Variants in EIF4E observed in about 807,000 individuals in gnomAD.
The protein encoded by EIF4E is eIF-4F 25 kDa subunit.
For synonymous variants in EIF4E, 71 were observed against 88.5 expected (o/e 0.80, Z 1.11); for missense variants, 113 against 265.6 (o/e 0.43, Z 3.99).
chr4:98,896,195 CAATAAAATAA>C (rs374560295), intron 2 of EIF4E, among the ~76,000 whole-genome samples: 12 of 135,052 alleles, frequency 8.9e-5, no homozygotes, highest in South Asian at 8.4e-4. Flanking sequence ...GCTCCATCTC[CAATAAAATAA>C]AATAAAATAA....
chr4:98,882,188 C>T (rs926596102), intron 6 of EIF4E, among the ~76,000 whole-genome samples: 1 of 151,740 alleles, frequency 6.6e-6, no homozygotes, highest in East Asian at 1.9e-4. Flanking sequence ...GTCAGGAGAT[C>T]GAGACCATCC....
chr4:98,885,516 C>T (rs1723881819), intron 5 of EIF4E, among the ~76,000 whole-genome samples: 1 of 152,076 alleles, frequency 6.6e-6, no homozygotes, highest in Non-Finnish European at 1.5e-5. Context: ...GGGATCATCA[C>T]AGCTCACTGC....
At chr4:98,928,673 T>G (rs1721335727) in intron 1 of EIF4E, among the ~76,000 whole-genome samples, 1 of 149,820 alleles carries the variant, frequency 6.7e-6, no homozygotes, top group African/African-American at 2.5e-5. Context: ...GCTCCAGGGC[T>G]CCCTCCTCCA....
chr4:98,880,793 T>G lies in EIF4E; in HGVS notation c.*235A>C. Reference sequence around the variant, plus strand: ...GGAACACATTTATGGATTCTGGGGATGTGTACTGTAATTCTTTGATTGGGA... The same window carrying G: ...GGAACACATTTATGGATTCTGGGGAGGTGTACTGTAATTCTTTGATTGGGA... On this transcript the variant is annotated 3_prime_UTR_variant, in exon 7 of 7. Transcript: ENST00000450253. 1 of 563,330 alleles carries G rather than the reference T, an allele frequency of 1.8e-6. No homozygotes were observed. The highest frequency in any genetic ancestry group is 2.8e-6 in the Non-Finnish European group (1 of 352,990). The allele number at this position is 563,330 out of a possible 1,614,324, so 34.9% of individuals were successfully genotyped here.
chr4:98,916,997 T>A (rs1289023162), intron 1 of EIF4E, among the ~76,000 whole-genome samples: 5 of 151,814 alleles, frequency 3.3e-5, no homozygotes, highest in Admixed American at 1.3e-4. Context: ...ATTGGAGCAA[T>A]GTGATTCAGG....
chr4:98,907,968 T>C (rs1373963297), intron 1 of EIF4E, among the ~76,000 whole-genome samples: 1 of 152,168 alleles, frequency 6.6e-6, no homozygotes, highest in Non-Finnish European at 1.5e-5. Flanking sequence ...GAACTAGACT[T>C]CAAACTCTGG....
Position 98,929,095 on chromosome 4 carries a change from C to G in EIF4E, c.18G>C (p.Pro6=), listed in dbSNP as rs531350186. The G allele has an allele frequency of 1.9e-6, 3 of 1,581,452 alleles. No homozygotes were observed. Among genetic ancestry groups the G allele is most frequent in the East Asian group, 2.3e-5 (1 of 43,042 alleles). ...GGTGGGGGCCAAAGGCAATACTCAC[C>G]GGTTCGACAGTCGCCATCTTAGATC... is the stretch of plus-strand genomic sequence containing the variant. MATVE[P]ETTPTPNPPT... is the part of the protein sequence containing the mutation. The change falls in exon 1 of 7, where the codon CCG becomes CCC. Residue 6 remains proline (P), a splice_region_variant and synonymous_variant. Transcript: ENST00000450253.
In EIF4E at chr4:98,887,432, G is replaced by T. The variant is rs1723969151; in HGVS notation, c.286-240C>A. 6.6e-6 allele frequency among the ~76,000 whole-genome samples: 1 copy of T among 152,146 alleles called. No homozygotes were observed. Among genetic ancestry groups the T allele is most frequent in the South Asian group, 2.1e-4 (1 of 4,822 alleles). ...AATCTTGGGTTTCACTTAATTTGAA[G>T]GTTCTTAAACTTTCTGAGAAGCAAA... On this transcript the variant is annotated intron_variant, in intron 4 of 6. Coordinates refer to ENST00000450253, the MANE Select transcript of EIF4E (RefSeq NM_001968.5). The surrounding 1 kb of genome is among the most constrained non-coding windows in gnomAD (Gnocchi z 4.0).
At chr4:98,895,507 G>A (rs536746970) in intron 2 of EIF4E, 1 of 152,152 alleles carries the variant, frequency 6.6e-6, no homozygotes, top group Non-Finnish European at 1.5e-5. Flanking sequence ...TGTCTGAAGA[G>A]CCTTCCAAAT....
At chr4:98,926,603 T>C (rs1467027602) in intron 1 of EIF4E, 1 of 152,184 alleles carries the variant, frequency 6.6e-6, no homozygotes, top group African/African-American at 2.4e-5. Flanking sequence ...TTACATATAT[T>C]CTCAAAATAC....
intron 1 of EIF4E, among the ~76,000 whole-genome samples, chr4:98,918,096 C>T (rs1725465099): frequency 6.7e-6 from 1 of 150,232 alleles, no homozygotes; most frequent in South Asian, 2.1e-4. Context: ...GGTGTGGTGG[C>T]TCACGCCTGT....
chr4:98,928,940 C>G, intron 1 of EIF4E, 155 bp downstream of exon 1: 1 of 1,577,296 alleles, frequency 6.3e-7, no homozygotes, highest in Non-Finnish European at 8.6e-7. Context: ...TCCGGGACGT[C>G]CCCACTTGTC....
intron 1 of EIF4E, among the ~76,000 whole-genome samples, chr4:98,912,636 A>T (rs7654109): frequency 0.086 from 13,037 of 152,148 alleles, 1,232 homozygotes; most frequent in East Asian, 0.49. Flanking sequence ...AAGTAAAAAA[A>T]TGATTCAAAA....
Position 98,922,903 on chromosome 4 carries a change from C to T in EIF4E, c.18+6192G>A, listed in dbSNP as rs192949908. Among the ~76,000 whole-genome samples, 328 of 146,702 alleles carry T rather than the reference C, an allele frequency of 2.2e-3. 1 individual carries two copies. The highest frequency in any genetic ancestry group is 8.0e-3 in the African/African-American group (319 of 39,652). On this transcript the variant is annotated intron_variant, in intron 1 of 6. Transcript: ENST00000450253. ...CAGTCTTGTTGCCCAGGCTGGAGTG[C>T]GATGGCAGACATAGGCTCACCGCAA...
intron 2 of EIF4E, among the ~76,000 whole-genome samples, chr4:98,893,763 T>C (rs1266840797): frequency 6.6e-6 from 1 of 152,392 alleles, no homozygotes; most frequent in East Asian, 1.9e-4. Context: ...CTCTTGTTCA[T>C]GTTGATATTC....
intron 1 of EIF4E, among the ~76,000 whole-genome samples, chr4:98,925,815 T>C (rs1396060950): frequency 6.6e-6 from 1 of 152,028 alleles, no homozygotes; most frequent in Non-Finnish European, 1.5e-5. Context: ...AAACATGATT[T>C]TTGCAGCCTT....
intron 3 of EIF4E, among the ~76,000 whole-genome samples, chr4:98,888,899 G>A (rs773028864): frequency 5.9e-5 from 9 of 152,088 alleles, no homozygotes; most frequent in Non-Finnish European, 1.2e-4. Context: ...AGTGGCTCAC[G>A]CCTGTAATCC....
At chr4:98,924,591 C>G (rs1433546511) in intron 1 of EIF4E, among the ~76,000 whole-genome samples, 2 of 142,956 alleles carry the variant, frequency 1.4e-5, no homozygotes, top group Non-Finnish European at 3.2e-5. Context: ...AAATTTGTTT[C>G]TGTTTTTTTT....
At chr4:98,898,115 A>AGG (rs140736176) in intron 2 of EIF4E, among the ~76,000 whole-genome samples, 1 of 151,500 alleles carries the variant, frequency 6.6e-6, no homozygotes, top group African/African-American at 2.4e-5. Flanking sequence ...CCTACGAAAA[A>AGG]GGGGGGGGAA....
Sources: gnomAD v4.1 joint callset for allele counts (sites outside exome capture counted in the v4.1 genomes callset) on GRCh38, gnomAD v4.1.1 for gene constraint, Gnocchi (gnomAD v3.1) non-coding constraint, MANE v1.5 for transcripts, NCBI Gene and HGNC (gene_info 2026-07-23, HGNC 2026-07-21) for gene names.